The following PRKD2 variants were observed in gnomAD, a reference collection of about 807,000 sequenced individuals.
PRKD2 encodes protein kinase D2, also known as serine/threonine-protein kinase D2.
A neutral mutation model predicts 86.0 loss-of-function variants in PRKD2; 22 were observed. The observed-to-expected ratio is 0.26, with a 90% confidence interval of 0.18 to 0.37. PRKD2 has a LOEUF of 0.37. PRKD2 is among the 10% of genes least tolerant of loss of function. The pLI is 1.00. For synonymous variants in PRKD2, 509 were observed against 510.9 expected, an observed-to-expected ratio of 1.00 and a Z score of 0.05; for missense variants, 818 against 1,199.2, an observed-to-expected ratio of 0.68 and a Z score of 4.70.
chr19:46,701,141 T>C (rs780233552), intron 5 of PRKD2, 29 bp from the exon 6 acceptor site: 1 of 1,607,054 alleles, frequency 6.2e-7, no homozygotes, highest in Non-Finnish European at 8.5e-7. Context: ...AGGGAACGGG[T>C]GAGAAGGGGA....
intron 16 of PRKD2, among the ~76,000 whole-genome samples, chr19:46,676,530 G>A (rs567060848): frequency 8.5e-5 from 13 of 152,198 alleles, no homozygotes; most frequent in Non-Finnish European, 1.8e-4. Flanking sequence ...GAGGACTAGC[G>A]AATGTCAAGC....
intron 3 of PRKD2, among the ~76,000 whole-genome samples, chr19:46,706,220 C>T (rs1262538075): frequency 6.6e-6 from 1 of 152,118 alleles, no homozygotes; most frequent in Non-Finnish European, 1.5e-5. Flanking sequence ...TCCCTGTTTC[C>T]CACTGGACGT....
In PRKD2 at chr19:46,704,983, C is replaced by T. The variant is rs577352935; in HGVS notation, c.512-334G>A. 5.9e-5 allele frequency among the ~76,000 whole-genome samples: 9 copies of T among 151,768 alleles called. No individual in the cohort carries two copies. In the East Asian group the frequency reaches 9.8e-4, roughly 16 times the overall value. ...CTCTGTCCCCAGTTTCAGCTTGTAG[C>T]CCTGCCATCACCCCATCTGTCCCCC... On this transcript the variant is annotated intron_variant, in intron 3 of 17. Coordinates refer to ENST00000291281, the MANE Select transcript of PRKD2 (RefSeq NM_016457.5).
chr19:46,690,816 G>T, intron 12 of PRKD2, 110 bp from the exon 13 acceptor site: 4 of 947,698 alleles, frequency 4.2e-6, no homozygotes, highest in Non-Finnish European at 6.6e-6. Context: ...GACAGCCAGA[G>T]TTGGGCAGAG....
At chr19:46,690,488 A>G (rs1157395990) in intron 13 of PRKD2, 112 bp downstream of exon 13, 8 of 861,134 alleles carry the variant, frequency 9.3e-6, no homozygotes, top group Non-Finnish European at 1.5e-5. Context: ...TCTCCCCTTC[A>G]GTCTCAACAT....
intron 9 of PRKD2, among the ~76,000 whole-genome samples, chr19:46,695,190 CAAAA>C (rs1422118827): frequency 1.5e-4 from 23 of 150,088 alleles, no homozygotes; most frequent in African/African-American, 5.6e-4. Context: ...GAGCCTGTCT[CAAAA>C]TAAATAAATG....
intron 9 of PRKD2, among the ~76,000 whole-genome samples, chr19:46,694,619 T>C (rs2053531055): frequency 6.6e-6 from 1 of 151,868 alleles, no homozygotes; most frequent in South Asian, 2.1e-4. Flanking sequence ...TAATACTAAT[T>C]ACTGGCAGAA....
chr19:46,710,927 C>A lies in PRKD2; in HGVS notation c.491G>T (p.Arg164Leu). The A allele has an allele frequency of 6.3e-7, 1 of 1,574,818 alleles. No homozygotes were observed. The highest frequency in any genetic ancestry group is 2.3e-5 in the East Asian group (1 of 42,790). ...HCGEMLFGLVRQGLKCDGCGL... is the reference protein window; with the variant it reads ...HCGEMLFGLVLQGLKCDGCGL... ...CTCACCATCGCACTTGAGGCCCTGG[C>A]GCACTAGGCCGAAGAGCATCTCCCC... is the stretch of plus-strand genomic sequence containing the variant. The change falls in exon 3 of 18, where the codon CGC becomes CTC. Residue 164 changes from arginine (R) to leucine (L), a missense_variant. Physicochemically the swap from Arg to Leu is moderately radical, Grantham distance 102. Transcript: ENST00000291281.
chr19:46,680,946 A>ATATATATATATATATT lies in PRKD2; in HGVS notation c.2070+703_2070+704insAATATATATATATATA. 6.8e-4 allele frequency among the ~76,000 whole-genome samples: 33 copies of ATATATATATATATATT among 48,224 alleles called. 2 individuals carry two copies. The highest frequency in any genetic ancestry group is 1.6e-3 in the African/African-American group (22 of 14,188). 31.6% of individuals were successfully genotyped at this position (48,224 alleles called of 152,430 possible). ...AAACTATATATATATATATATATAT[A>ATATATATATATATATT]TTTTTTTTTTTTTTTTTGAGACAGA... is the stretch of plus-strand genomic sequence containing the variant. On this transcript the variant is annotated intron_variant, in intron 15 of 17. Coordinates refer to ENST00000291281, the MANE Select transcript of PRKD2 (RefSeq NM_016457.5).
chr19:46,674,526 G>A lies in PRKD2; in HGVS notation c.2634C>T (p.Leu878=). 1 of 1,611,660 alleles carries A rather than the reference G, an allele frequency of 6.2e-7. No individual in the cohort carries two copies. Among genetic ancestry groups the A allele is most frequent in the Non-Finnish European group, 8.5e-7 (1 of 1,178,924 alleles). Residue 878 remains leucine, a synonymous_variant, in exon 18 of 18, where the codon CTC becomes CTT. Coordinates refer to ENST00000291281, the MANE Select transcript of PRKD2 (RefSeq NM_016457.5). ...MQGLAERISV[L] Reference sequence around the variant, plus strand: ...AGCTGGACGAGGGCACAGGACCTCAGAGAACACTGATGCGCTCCGCCAGCC... The same window carrying A: ...AGCTGGACGAGGGCACAGGACCTCAAAGAACACTGATGCGCTCCGCCAGCC...
rs577701782 is a variant in PRKD2, at chr19:46,711,755, C to T, written c.380-717G>A. ...ATTAAAAAATTTTTAATTAAAAATA[C>T]CACCACCAACAACAAAAAAGAACAT... On this transcript the variant is annotated intron_variant, in intron 2 of 17. Coordinates refer to ENST00000291281, the MANE Select transcript of PRKD2 (RefSeq NM_016457.5). Among the ~76,000 whole-genome samples the T allele has an allele frequency of 2.9e-4, 44 of 152,132 alleles. 1 individual carries two copies. Among genetic ancestry groups the T allele is most frequent in the Admixed American group, 7.2e-4 (11 of 15,262 alleles).
chr19:46,702,805 A>G (rs555058245), intron 5 of PRKD2, among the ~76,000 whole-genome samples: 1 of 152,170 alleles, frequency 6.6e-6, no homozygotes, highest in African/African-American at 2.4e-5. Flanking sequence ...CTCCCTCCTC[A>G]GAGTCCCAAG....
chr19:46,699,442 G>T (rs1377407363), intron 7 of PRKD2, among the ~76,000 whole-genome samples: 1 of 152,198 alleles, frequency 6.6e-6, no homozygotes, highest in Non-Finnish European at 1.5e-5. Context: ...AACACAGCAG[G>T]TGCTCATTAA....
At chr19:46,697,092 G>T in intron 9 of PRKD2, 65 bp downstream of exon 9, 5 of 1,258,244 alleles carry the variant, frequency 4.0e-6, no homozygotes, top group Non-Finnish European at 5.8e-6. Context: ...GGGGGTAGGA[G>T]GAGGTGTGGG....
chr19:46,693,820 C>T lies in PRKD2; in HGVS notation c.1576+55G>A, dbSNP rs1029968401. 65 of 1,531,822 alleles carry T rather than the reference C, an allele frequency of 4.2e-5. No individual in the cohort carries two copies. The highest frequency in any genetic ancestry group is 5.4e-5 in the Non-Finnish European group (62 of 1,142,206). The allele number at this position is 1,531,822 out of a possible 1,614,324, so 94.9% of individuals were successfully genotyped here. A position where few individuals can be genotyped will look rare whatever the true frequency, so the allele number is the denominator to read the frequency against. Reference sequence around the variant, plus strand: ...CTTTGGCCCTTCCATTCCCCAGAACCGTGCCCCACCCATCTAGATCTATTC... The same window carrying T: ...CTTTGGCCCTTCCATTCCCCAGAACTGTGCCCCACCCATCTAGATCTATTC... On this transcript the variant is annotated intron_variant, in intron 10 of 17. Transcript: ENST00000291281. The surrounding 1 kb of genome is among the most constrained non-coding windows in gnomAD (Gnocchi z 4.5).
At chr19:46,689,782 C>G (rs1412554500) in intron 13 of PRKD2, 84 bp from the exon 14 acceptor site, 1 of 1,499,384 alleles carries the variant, frequency 6.7e-7, no homozygotes, top group African/African-American at 1.4e-5. Flanking sequence ...AGGAGGATGA[C>G]AAACAAGGAG....
intron 5 of PRKD2, 123 bp from the exon 6 acceptor site, chr19:46,701,235 T>C: frequency 2.0e-6 from 2 of 1,005,226 alleles, no homozygotes; most frequent in Non-Finnish European, 3.1e-6. Context: ...GTAAGAACAC[T>C]GGCTGCTGCT....
Position 46,704,644 on chromosome 19 carries a change from C to A in PRKD2, c.517G>T (p.Gly173Trp). 1 of 1,603,892 alleles carries A rather than the reference C, an allele frequency of 6.2e-7. No homozygotes were observed. The highest frequency in any genetic ancestry group is 1.1e-5 in the South Asian group (1 of 90,068). The change falls in exon 4 of 18, where the codon GGG becomes TGG. Residue 173 changes from glycine to tryptophan, a missense_variant. By Grantham distance (184) the Gly-to-Trp change is radical. This residue lies in a region of PRKD2 where 403 missense variants were observed against 518.6 expected (regional missense o/e 0.78). Coordinates refer to ENST00000291281, the MANE Select transcript of PRKD2 (RefSeq NM_016457.5). ...VRQGLKCDGC[G>W]LNYHKRCAFS... The stretch of plus-strand genomic sequence containing the variant: ...GCACAGCGCTTGTGGTAGTTCAGCC[C>A]GCAGCCTGCAGGGGGCGCCAGAGAG...
intron 3 of PRKD2, among the ~76,000 whole-genome samples, chr19:46,708,066 C>G (rs576622408): frequency 2.0e-5 from 3 of 152,166 alleles, no homozygotes; most frequent in Admixed American, 2.0e-4. Context: ...CCACTGCACT[C>G]CAGCCTGGGT....
Sources: gnomAD v4.1 joint callset for allele counts (sites outside exome capture counted in the v4.1 genomes callset) on GRCh38, gnomAD v4.1.1 for gene constraint, gnomAD v4.1.1 regional missense constraint, Gnocchi (gnomAD v3.1) non-coding constraint, MANE v1.5 for transcripts, NCBI Gene and HGNC (gene_info 2026-07-23, HGNC 2026-07-21) for gene names.